Variants in TFB2M observed in about 807,000 individuals in gnomAD.
TFB2M encodes the protein transcription factor B2, mitochondrial, also known as dimethyladenosine transferase 2, mitochondrial.
Under a neutral mutation model 41.3 loss-of-function variants are expected in TFB2M, and 44 were observed. The observed-to-expected ratio is 1.07, with a 90% CI of 0.84 to 1.37. TFB2M has a LOEUF of 1.37. Among genes scored for constraint, TFB2M ranks in the 40% most tolerant of loss-of-function variants. The pLI is 0.00. For synonymous variants in TFB2M, 188 were observed against 176.8 expected, an observed-to-expected ratio of 1.06 and a Z score of -0.50; for missense variants, 496 against 490.2, an observed-to-expected ratio of 1.01 and a Z score of -0.11.
At chr1:246,548,446 T>G in intron 6 of TFB2M, 99 bp downstream of exon 6, 2 of 984,874 alleles carry the variant, frequency 2.0e-6, no homozygotes, top group Non-Finnish European at 2.9e-6. Flanking sequence ...TATTTTAAAA[T>G]TAAAAAGTTA....
chr1:246,563,270 A>G (rs1659505877), intron 2 of TFB2M, among the ~76,000 whole-genome samples: 1 of 151,170 alleles, frequency 6.6e-6, no homozygotes, highest in Non-Finnish European at 1.5e-5. Context: ...TCATGTGTGA[A>G]TAAGTGTAAG....
intron 2 of TFB2M, among the ~76,000 whole-genome samples, chr1:246,563,323 G>A (rs1416121942): frequency 6.6e-6 from 1 of 151,894 alleles, no homozygotes; most frequent in East Asian, 1.9e-4. Context: ...GGAGTCAGGA[G>A]CTAGGCATGG....
intron 2 of TFB2M, 107 bp from the exon 3 acceptor site, chr1:246,557,641 AAAT>A: frequency 1.0e-6 from 1 of 969,244 alleles, no homozygotes; most frequent in Non-Finnish European, 1.5e-6. Context: ...GTAAAAATAA[AAAT>A]AATTCAATTA....
intron 5 of TFB2M, among the ~76,000 whole-genome samples, chr1:246,550,601 G>A (rs1659148289): frequency 6.6e-6 from 1 of 152,194 alleles, no homozygotes; most frequent in Non-Finnish European, 1.5e-5. Context: ...ATTAGAGCCA[G>A]GGCCAGGCGC....
chr1:246,560,782 T>C lies in TFB2M; in HGVS notation c.403-3248A>G, dbSNP rs149100847. On this transcript the variant is annotated intron_variant, in intron 2 of 7. Coordinates refer to ENST00000366514, the MANE Select transcript of TFB2M (RefSeq NM_022366.3). ...GAAAAGGCAAGTAACCCTTGAGTTT[T>C]TACTAGTCATTAAGTTAGGTACTTA... 1.3e-3 allele frequency among the ~76,000 whole-genome samples: 200 copies of C among 152,316 alleles called. 1 individual carries two copies. Among genetic ancestry groups the C allele is most frequent in the African/African-American group, 4.6e-3 (191 of 41,578 alleles).
chr1:246,550,148 C>G lies in TFB2M; in HGVS notation c.795+1065G>C, dbSNP rs369942760. Among the ~76,000 whole-genome samples the G allele has an allele frequency of 1.1e-4, 16 of 152,342 alleles. No homozygotes were observed. The East Asian group carries it at 2.7e-3, about 26-fold the overall frequency. On this transcript the variant is annotated intron_variant, in intron 5 of 7. Transcript: ENST00000366514. ...ACGAAAACATTCTGCAAGCTAAAGTCCTCAGAGGGCCTCTCTGAAGAAACT... is the reference window on the plus strand; with the variant it reads ...ACGAAAACATTCTGCAAGCTAAAGTGCTCAGAGGGCCTCTCTGAAGAAACT...
intron 6 of TFB2M, among the ~76,000 whole-genome samples, chr1:246,544,947 A>T (rs1220489147): frequency 6.6e-6 from 1 of 152,034 alleles, no homozygotes; most frequent in Non-Finnish European, 1.5e-5. Flanking sequence ...CTGGGACTAC[A>T]GGCGCCCACC....
In TFB2M at chr1:246,553,541, G is replaced by A. The variant is rs116362648; in HGVS notation, c.706-2239C>T. ...TAATCAGCCAGGCACGGGGGTGCAC[G>A]CCTGTAGTCCCACCTACTGGGGAGG... On this transcript the variant is annotated intron_variant, in intron 4 of 7. Transcript: ENST00000366514. Among the ~76,000 whole-genome samples the A allele has an allele frequency of 2.8e-3, 420 of 152,126 alleles. 2 individuals are homozygous for A. The highest frequency in any genetic ancestry group is 9.6e-3 in the African/African-American group (397 of 41,512).
At chr1:246,549,524 G>T (rs1219370551) in intron 5 of TFB2M, among the ~76,000 whole-genome samples, 2 of 152,176 alleles carry the variant, frequency 1.3e-5, no homozygotes, top group African/African-American at 4.8e-5. Context: ...GGAGGTTGCA[G>T]TGAGCCGGGA....
rs764498048 is a variant in TFB2M, at chr1:246,546,983, A to ACAT, written c.858+1561_858+1562insATG. On this transcript the variant is annotated intron_variant, in intron 6 of 7. Transcript: ENST00000366514. ...TGTATATATACACACACACACACAC[A>ACAT]TTTTTTTTTTTTTTTTTTGAGACAA... Among the ~76,000 whole-genome samples the ACAT allele has an allele frequency of 1.9e-3, 246 of 127,172 alleles. 3 individuals carry two copies. In the Middle Eastern group the frequency reaches 0.032, roughly 17 times the overall value. 83.4% of individuals were successfully genotyped at this position (127,172 alleles called of 152,430 possible).
At position 246,549,224 on chromosome 1, in the gene TFB2M, A is replaced by C. The variant is rs116315545; in HGVS notation, c.796-617T>G. On this transcript the variant is annotated intron_variant, in intron 5 of 7. Transcript: ENST00000366514. ...ATAACAAAAACCTAGTGTCAATTTT[A>C]AAATGGATCACTATTTTTCGGTATC... Among the ~76,000 whole-genome samples the C allele has an allele frequency of 7.7e-3, 1,177 of 152,256 alleles. 9 individuals carry two copies. The highest frequency in any genetic ancestry group is 0.024 in the Middle Eastern group (7 of 294).
chr1:246,559,522 C>A (rs756048505), intron 2 of TFB2M, among the ~76,000 whole-genome samples: 5 of 152,186 alleles, frequency 3.3e-5, no homozygotes, highest in Non-Finnish European at 7.3e-5. Context: ...GCACTCTAGT[C>A]AGGGTGACAG....
At chr1:246,557,606 C>A in intron 2 of TFB2M, 72 bp from the exon 3 acceptor site, 1 of 1,227,818 alleles carries the variant, frequency 8.1e-7, no homozygotes, top group Non-Finnish European at 1.1e-6. Context: ...TCAAAAAACT[C>A]TACTTCAAAA....
Position 246,558,383 on chromosome 1 carries a change from G to A in TFB2M, c.403-849C>T, listed in dbSNP as rs12039760. 3.1e-3 allele frequency among the ~76,000 whole-genome samples: 466 copies of A among 151,684 alleles called. 10 individuals are homozygous for A. In the East Asian group the frequency reaches 0.055, roughly 18 times the overall value. ...GTTGGTCTCAAACTCCTGAGCTCAA[G>A]AGATCTGCCCACCTTGACCTCCCAA... On this transcript the variant is annotated intron_variant, in intron 2 of 7. Coordinates refer to ENST00000366514, the MANE Select transcript of TFB2M (RefSeq NM_022366.3).
chr1:246,541,649 C>T (rs533029353), intron 7 of TFB2M, among the ~76,000 whole-genome samples: 112 of 152,286 alleles, frequency 7.4e-4, no homozygotes, highest in African/African-American at 2.6e-3. Flanking sequence ...TTTAGGCTTT[C>T]ACATACTCTA....
At chr1:246,544,305 T>C (rs2275265) in intron 7 of TFB2M, among the ~76,000 whole-genome samples, 73,339 of 152,008 alleles carry the variant, frequency 0.48, 18,254 homozygotes, top group Middle Eastern at 0.68. Context: ...GGCATTTTTT[T>C]AAAGAAGGAA....
intron 5 of TFB2M, 41 bp downstream of exon 5, chr1:246,551,172 C>T (rs370339638): frequency 1.5e-5 from 22 of 1,507,702 alleles, no homozygotes; most frequent in South Asian, 4.5e-5. Flanking sequence ...GAGACCCTGT[C>T]GCTAAAGAAA....
At chr1:246,560,397 C>G (rs1340422768) in intron 2 of TFB2M, among the ~76,000 whole-genome samples, 2 of 152,094 alleles carry the variant, frequency 1.3e-5, no homozygotes, top group Non-Finnish European at 2.9e-5. Flanking sequence ...GGGGCGTGTG[C>G]CTGTAATCCC....
At chr1:246,546,743 A>C (rs2102984327) in intron 6 of TFB2M, among the ~76,000 whole-genome samples, 1 of 152,172 alleles carries the variant, frequency 6.6e-6, no homozygotes, top group Admixed American at 6.5e-5. Context: ...AAAAAAAGTT[A>C]TTGACTAAAA....
Sources: gnomAD v4.1 joint callset for allele counts (sites outside exome capture counted in the v4.1 genomes callset) on GRCh38, gnomAD v4.1.1 for gene constraint, MANE v1.5 for transcripts, NCBI Gene and HGNC (gene_info 2026-07-23, HGNC 2026-07-21) for gene names.